KIFAP3: variants seen among roughly 807,000 people sequenced by gnomAD.
The protein encoded by KIFAP3 is kinesin-associated protein 3.
A neutral mutation model predicts 106.5 loss-of-function variants in KIFAP3; 68 were observed. That is an observed-to-expected ratio of 0.64 (90% CI 0.53 to 0.78). The LOEUF (loss-of-function observed/expected upper bound fraction) is 0.78, where lower values mean the gene tolerates loss of function less well. Ranked by LOEUF, KIFAP3 falls within the 30% of genes least tolerant of loss-of-function variation. The probability of loss-of-function intolerance (pLI) is 0.00; values close to 1 mark genes in which losing one functional copy is unlikely to be tolerated. For synonymous variants in KIFAP3, 320 were observed against 311.5 expected (o/e 1.03, Z -0.29); for missense variants, 780 against 941.8 (o/e 0.83, Z 2.25).
At chr1:169,962,115 G>T (rs538856664) in intron 17 of KIFAP3, among the ~76,000 whole-genome samples, 1 of 152,202 alleles carries the variant, frequency 6.6e-6, no homozygotes, top group African/African-American at 2.4e-5. Context: ...TGCTAAAATG[G>T]TTTACTAAAG....
intron 2 of KIFAP3, among the ~76,000 whole-genome samples, chr1:170,052,505 A>T (rs975448820): frequency 6.6e-6 from 1 of 152,212 alleles, no homozygotes; most frequent in Non-Finnish European, 1.5e-5. Context: ...GGCCAGCATC[A>T]TCCTGATACC....
At chr1:170,011,814 A>G (rs1261913449) in intron 10 of KIFAP3, among the ~76,000 whole-genome samples, 14 of 152,100 alleles carry the variant, frequency 9.2e-5, no homozygotes, top group Admixed American at 9.2e-4. Context: ...GAATTACTCA[A>G]TTGAGAAGTT....
intron 19 of KIFAP3, among the ~76,000 whole-genome samples, chr1:169,923,935 A>G (rs1444177952): frequency 6.6e-6 from 1 of 152,130 alleles, no homozygotes; most frequent in Admixed American, 6.5e-5. Context: ...CAGGAAGGGA[A>G]TTTAACATTC....
At chr1:169,978,299 G>A in intron 15 of KIFAP3, 116 bp from the exon 16 acceptor site, 3 of 628,978 alleles carry the variant, frequency 4.8e-6, no homozygotes, top group South Asian at 4.1e-5. Context: ...AGACAAGCAA[G>A]CAGAAATGGA....
chr1:170,005,784 C>T (rs1273794328), intron 10 of KIFAP3, among the ~76,000 whole-genome samples: 1 of 150,448 alleles, frequency 6.6e-6, no homozygotes, highest in East Asian at 2.0e-4. Context: ...GTGCAGCACA[C>T]CAACATGGCA....
chr1:169,957,930 T>A (rs1309572435), intron 18 of KIFAP3: 1 of 152,336 alleles, frequency 6.6e-6, no homozygotes, highest in Admixed American at 6.5e-5. Context: ...CCAGGCCAAC[T>A]TTTTTTCTTA....
chr1:169,944,585 T>C (rs1286854879), intron 19 of KIFAP3, among the ~76,000 whole-genome samples: 1 of 152,120 alleles, frequency 6.6e-6, no homozygotes, highest in African/African-American at 2.4e-5. Context: ...GGTCCCAGGT[T>C]CTTGTTTCCC....
At chr1:170,072,585 C>CA (rs1266907939) in intron 1 of KIFAP3, among the ~76,000 whole-genome samples, 9 of 151,556 alleles carry the variant, frequency 5.9e-5, no homozygotes, top group East Asian at 1.9e-4. Flanking sequence ...CATAGAGATT[C>CA]AAAAAAAATT....
At chr1:170,062,214 TCA>T (rs1491363268) in intron 1 of KIFAP3, among the ~76,000 whole-genome samples, 71 of 88,754 alleles carry the variant, frequency 8.0e-4, no homozygotes, top group Middle Eastern at 7.2e-3. Context: ...TGAGATACCA[TCA>T]AAAAAAAAAA....
intron 17 of KIFAP3, among the ~76,000 whole-genome samples, chr1:169,969,005 A>T (rs1665772621): frequency 6.6e-6 from 1 of 152,004 alleles, no homozygotes; most frequent in Non-Finnish European, 1.5e-5. Context: ...TTATCTCATT[A>T]AACCCAATTA....
chr1:170,040,166 T>G (rs561331353), intron 3 of KIFAP3, among the ~76,000 whole-genome samples: 23 of 152,216 alleles, frequency 1.5e-4, no homozygotes, highest in Admixed American at 3.3e-4. Flanking sequence ...ACTAAGACAG[T>G]GGTTTTAATT....
At position 169,994,570 on chromosome 1, in the gene KIFAP3, AAT is replaced by A. The variant is rs1314979613; in HGVS notation, c.1184-2317_1184-2316del. Reference sequence around the variant, plus strand: ...CAACTCCTTGGGATAAGATAAAAACAATATATGTTTTTCAGATGAATGGACAC... The same window carrying A: ...CAACTCCTTGGGATAAGATAAAAACAATATGTTTTTCAGATGAATGGACAC... On this transcript the variant is annotated intron_variant, in intron 10 of 19. Transcript: ENST00000361580. Among the ~76,000 whole-genome samples the A allele has an allele frequency of 3.9e-5, 6 of 152,272 alleles. No individual in the cohort carries two copies. The East Asian group carries it at 9.6e-4, about 24-fold the overall frequency.
intron 19 of KIFAP3, among the ~76,000 whole-genome samples, chr1:169,947,999 T>C (rs1664530057): frequency 6.6e-6 from 1 of 151,362 alleles, no homozygotes; most frequent in Non-Finnish European, 1.5e-5. Context: ...AATAACGTTG[T>C]AAAAATGTTT....
At chr1:169,995,157 T>C (rs964609214) in intron 10 of KIFAP3, among the ~76,000 whole-genome samples, 2 of 152,152 alleles carry the variant, frequency 1.3e-5, no homozygotes, top group African/African-American at 4.8e-5. Context: ...TTTATACTGT[T>C]GAAGGCACCA....
At chr1:170,005,580 C>G (rs1481318301) in intron 10 of KIFAP3, among the ~76,000 whole-genome samples, 1 of 151,414 alleles carries the variant, frequency 6.6e-6, no homozygotes, top group African/African-American at 2.4e-5. Context: ...AGCTGGAAAC[C>G]ATCATTCTCA....
At chr1:169,937,588 T>C (rs1663876352) in intron 19 of KIFAP3, among the ~76,000 whole-genome samples, 1 of 151,824 alleles carries the variant, frequency 6.6e-6, no homozygotes, top group Non-Finnish European at 1.5e-5. Context: ...TGAAAACTAA[T>C]ACAGATTTTT....
chr1:170,060,064 T>C (rs1306630676), intron 1 of KIFAP3, among the ~76,000 whole-genome samples: 1 of 152,142 alleles, frequency 6.6e-6, no homozygotes, highest in African/African-American at 2.4e-5. Flanking sequence ...AATATCATAA[T>C]GAATGGGCAA....
At chr1:169,924,611 T>C (rs1410986970) in intron 19 of KIFAP3, among the ~76,000 whole-genome samples, 7 of 42,016 alleles carry the variant, frequency 1.7e-4, no homozygotes, top group Admixed American at 6.1e-4. Flanking sequence ...ACATAACAGT[T>C]TGTTTCTTTA....
At chr1:170,070,682 G>A (rs1671664683) in intron 1 of KIFAP3, among the ~76,000 whole-genome samples, 1 of 152,068 alleles carries the variant, frequency 6.6e-6, no homozygotes. Context: ...ATGGATCAAG[G>A]ATATTAAATG....
Sources: allele counts gnomAD v4.1 joint callset (sites outside exome capture counted in the v4.1 genomes callset), GRCh38; gene constraint gnomAD v4.1.1; transcripts MANE v1.5; gene names NCBI Gene and HGNC (gene_info 2026-07-23, HGNC 2026-07-21).